PKHD1: variants seen among roughly 807,000 people sequenced by gnomAD.
PKHD1 encodes PKHD1 ciliary IPT domain containing fibrocystin/polyductin, also known as fibrocystin.
A neutral mutation model predicts 412.0 loss-of-function variants in PKHD1; 291 were observed. The observed-to-expected ratio is 0.71, with a 90% CI of 0.64 to 0.78. PKHD1 has a LOEUF of 0.78. Among genes scored for constraint, PKHD1 ranks in the 30% least tolerant of loss-of-function variants. The probability of loss-of-function intolerance (pLI) is 0.00; values close to 1 mark genes in which losing one functional copy is unlikely to be tolerated. For missense variants in PKHD1, 4,825 were observed against 4,950.7 expected (o/e 0.97, Z 0.76); for synonymous variants, 1,777 against 1,821.5 (o/e 0.98, Z 0.62).
chr6:51,827,292 ATACATT>A (rs1767470312), intron 52 of PKHD1, among the ~76,000 whole-genome samples: 1 of 152,146 alleles, frequency 6.6e-6, no homozygotes. Context: ...AGAGCACCTG[ATACATT>A]ACAAATCACA....
intron 35 of PKHD1, among the ~76,000 whole-genome samples, chr6:51,999,221 A>G (rs965811532): frequency 2.0e-5 from 3 of 152,204 alleles, no homozygotes; most frequent in Non-Finnish European, 4.4e-5. Context: ...CAGTAATACC[A>G]TTAAGGTCAT....
Position 51,631,886 on chromosome 6 carries a change from C to T in PKHD1, c.11665+679G>A, listed in dbSNP as rs73440943. Among the ~76,000 whole-genome samples the T allele has an allele frequency of 4.6e-3, 696 of 151,486 alleles. 5 individuals are homozygous for T. The highest frequency in any genetic ancestry group is 0.016 in the African/African-American group (680 of 41,222). On this transcript the variant is annotated intron_variant, in intron 65 of 66. Transcript: ENST00000371117. Reference sequence around the variant, plus strand: ...AAACAAACAAACTAAGCCCTCTCCCCTTTTAAAGGAGAAGAGGAGAGGATG... The same window carrying T: ...AAACAAACAAACTAAGCCCTCTCCCTTTTTAAAGGAGAAGAGGAGAGGATG...
intron 60 of PKHD1, among the ~76,000 whole-genome samples, chr6:51,675,823 G>A (rs187104329): frequency 4.0e-4 from 61 of 152,322 alleles, no homozygotes; most frequent in African/African-American, 1.4e-3. Flanking sequence ...TTGCATACAC[G>A]ATGGACAAGA....
chr6:51,624,163 C>T (rs527265483), intron 66 of PKHD1, among the ~76,000 whole-genome samples: 2 of 151,984 alleles, frequency 1.3e-5, no homozygotes, highest in African/African-American at 4.8e-5. Flanking sequence ...CTCATGCAAT[C>T]CTCCACCTCG....
At chr6:51,844,471 C>A (rs1320944261) in intron 50 of PKHD1, among the ~76,000 whole-genome samples, 5 of 152,178 alleles carry the variant, frequency 3.3e-5, no homozygotes, top group Non-Finnish European at 7.3e-5. Context: ...GGTTCTCCCA[C>A]AACCCTGCCT....
chr6:51,971,511 A>G (rs1490100339), intron 35 of PKHD1, among the ~76,000 whole-genome samples: 1 of 152,204 alleles, frequency 6.6e-6, no homozygotes, highest in African/African-American at 2.4e-5. Flanking sequence ...GACCTGATGC[A>G]GACCTTTCTT....
chr6:52,045,275 G>T (rs371509607), intron 24 of PKHD1, among the ~76,000 whole-genome samples, 187 bp from the exon 25 acceptor site: 164 of 152,350 alleles, frequency 1.1e-3, no homozygotes, highest in African/African-American at 3.6e-3. Flanking sequence ...AGTCCCAGTA[G>T]ATTAGAGAAA....
At chr6:52,061,756 C>G (rs1277481780) in intron 14 of PKHD1, among the ~76,000 whole-genome samples, 1 of 152,026 alleles carries the variant, frequency 6.6e-6, no homozygotes, top group African/African-American at 2.4e-5. Flanking sequence ...AATTCACACT[C>G]ATGAGTCACA....
chr6:51,903,614 G>A lies in PKHD1; in HGVS notation c.6979C>T (p.Pro2327Ser), dbSNP rs1238310993. The A allele has an allele frequency of 6.2e-7, 1 of 1,610,838 alleles. No homozygotes were observed. The highest frequency in any genetic ancestry group is 1.3e-5 in the African/African-American group (1 of 74,798). The change falls in exon 43 of 67, where the codon CCC becomes TCC. Residue 2327 changes from proline to serine, a missense_variant. Pro to Ser is a moderately conservative substitution (Grantham distance 74). Transcript: ENST00000371117. ...LTPSGIYICS[P>S]TNVIEGNRVC... is the part of the protein sequence containing the mutation. ...CATCTTACCTCTATAACATTGGTGG[G>A]ACTGCAGATATAGATGCCAGATGGT...
At chr6:52,050,960 A>G (rs552571127) in intron 21 of PKHD1, among the ~76,000 whole-genome samples, 2 of 152,382 alleles carry the variant, frequency 1.3e-5, no homozygotes, top group African/African-American at 4.8e-5. Flanking sequence ...TAAAATGATC[A>G]GCACAATATC....
chr6:51,666,644 C>T, intron 60 of PKHD1, among the ~76,000 whole-genome samples: 1 of 151,326 alleles, frequency 6.6e-6, no homozygotes. Context: ...GCTGCACCCA[C>T]TAACTCGTCA....
At chr6:52,081,536 C>T (rs990004882) in intron 4 of PKHD1, among the ~76,000 whole-genome samples, 2 of 147,780 alleles carry the variant, frequency 1.4e-5, no homozygotes, top group Non-Finnish European at 3.0e-5. Flanking sequence ...ACTAAGGCTA[C>T]ACGTGCTGTA....
intron 60 of PKHD1, among the ~76,000 whole-genome samples, chr6:51,668,802 A>T (rs1202902114): frequency 6.6e-6 from 1 of 152,198 alleles, no homozygotes; most frequent in Non-Finnish European, 1.5e-5. Flanking sequence ...TATTGAGATA[A>T]TCATGTGGTT....
At chr6:51,985,736 T>A (rs909156671) in intron 35 of PKHD1, among the ~76,000 whole-genome samples, 10 of 152,102 alleles carry the variant, frequency 6.6e-5, no homozygotes, top group East Asian at 1.9e-4. Flanking sequence ...CTCAAAAAAA[T>A]AATAATAATA....
At chr6:51,784,177 G>A (rs911304653) in intron 53 of PKHD1, among the ~76,000 whole-genome samples, 1 of 152,182 alleles carries the variant, frequency 6.6e-6, no homozygotes, top group Non-Finnish European at 1.5e-5. Flanking sequence ...ACATGAATGA[G>A]TAGCACGGAT....
At chr6:51,886,817 T>C (rs1040808378) in intron 44 of PKHD1, among the ~76,000 whole-genome samples, 4 of 152,224 alleles carry the variant, frequency 2.6e-5, no homozygotes, top group Admixed American at 1.3e-4. Flanking sequence ...GTGTCAAACG[T>C]TCTTACAGTA....
intron 53 of PKHD1, among the ~76,000 whole-genome samples, chr6:51,788,793 C>T (rs754833999): frequency 6.6e-6 from 1 of 151,040 alleles, no homozygotes; most frequent in Non-Finnish European, 1.5e-5. Context: ...CATATATTTT[C>T]TGTGGGCACC....
rs1012927138 is a variant in PKHD1, at chr6:51,617,215, T to C, written c.*1866A>G. 2 of 152,184 alleles carry C rather than the reference T, an allele frequency of 1.3e-5. No homozygotes were observed. Among genetic ancestry groups the C allele is most frequent in the African/African-American group, 4.8e-5 (2 of 41,412 alleles). 9.4% of individuals were successfully genotyped at this position (152,184 alleles called of 1,614,324 possible). A position where few individuals can be genotyped will look rare whatever the true frequency, so the allele number is the denominator to read the frequency against. On this transcript the variant is annotated 3_prime_UTR_variant, in exon 67 of 67. Coordinates refer to ENST00000371117, the MANE Select transcript of PKHD1 (RefSeq NM_138694.4). ...AGCCTTCACTTCTGAAATGTTTTTT[T>C]CCAAAAAGCTTACGGCTCTTTGAGG...
chr6:52,043,487 C>G, intron 26 of PKHD1, 138 bp downstream of exon 26: 1 of 719,062 alleles, frequency 1.4e-6, no homozygotes, highest in East Asian at 2.7e-5. Flanking sequence ...AAAAAATACA[C>G]TTTCTGCTAC....
Sources: gnomAD v4.1 joint callset for allele counts (sites outside exome capture counted in the v4.1 genomes callset) on GRCh38, gnomAD v4.1.1 for gene constraint, MANE v1.5 for transcripts, NCBI Gene and HGNC (gene_info 2026-07-23, HGNC 2026-07-21) for gene names.